The following MACROD2 variants were observed in gnomAD, a reference collection of about 807,000 sequenced individuals.
The protein encoded by MACROD2 is mono-ADP ribosylhydrolase 2.
A neutral mutation model predicts 70.4 loss-of-function variants in MACROD2; 36 were observed. That is an observed-to-expected ratio of 0.51 (90% CI 0.39 to 0.68). The LOEUF is 0.68. Ranked by LOEUF, MACROD2 falls within the 30% of genes least tolerant of loss-of-function variation. The probability of loss-of-function intolerance (pLI) is 0.00; values close to 1 mark genes in which losing one functional copy is unlikely to be tolerated. For missense variants in MACROD2, 496 were observed against 538.4 expected (o/e 0.92, Z 0.78); for synonymous variants, 172 against 178.8 (o/e 0.96, Z 0.30).
chr20:14,426,396 G>C (rs148350039), intron 3 of MACROD2, among the ~76,000 whole-genome samples: 2 of 151,424 alleles, frequency 1.3e-5, no homozygotes, highest in Admixed American at 1.3e-4. Context: ...TTATCTCTCT[G>C]ATATTAATAA....
chr20:15,309,097 C>T (rs2077726350), intron 6 of MACROD2, among the ~76,000 whole-genome samples: 2 of 152,164 alleles, frequency 1.3e-5, no homozygotes, highest in African/African-American at 2.4e-5. Context: ...TCCTACCTTA[C>T]AAACAGATGG....
chr20:14,015,706 A>G lies in MACROD2; in HGVS notation c.163+13302A>G, dbSNP rs547370722. ...TATAAATTTGCCAGTTGTAGATACAATCATGTAAGTGGAATCATAACATGT... is the reference window on the plus strand; with the variant it reads ...TATAAATTTGCCAGTTGTAGATACAGTCATGTAAGTGGAATCATAACATGT... On this transcript the variant is annotated intron_variant, in intron 2 of 17. Coordinates refer to ENST00000684519, the MANE Select transcript of MACROD2 (RefSeq NM_001351661.2). Among the ~76,000 whole-genome samples the G allele has an allele frequency of 2.4e-4, 36 of 152,350 alleles. No homozygotes were observed. In the South Asian group the frequency reaches 4.1e-3, roughly 18 times the overall value.
intron 5 of MACROD2, among the ~76,000 whole-genome samples, chr20:15,017,035 A>G (rs961796959): frequency 2.6e-5 from 4 of 152,034 alleles, no homozygotes; most frequent in African/African-American, 9.7e-5. Flanking sequence ...TTCAAAACCA[A>G]TCATGCCTTC....
intron 5 of MACROD2, among the ~76,000 whole-genome samples, chr20:15,132,247 C>A (rs879832674): frequency 9.2e-5 from 14 of 151,548 alleles, no homozygotes; most frequent in Admixed American, 3.9e-4. Context: ...GCAGGAAATG[C>A]AAAGAGAATT....
chr20:14,620,184 T>C (rs772317066), intron 4 of MACROD2, among the ~76,000 whole-genome samples: 2 of 152,078 alleles, frequency 1.3e-5, no homozygotes, highest in Non-Finnish European at 2.9e-5. Flanking sequence ...CAGTGAAGTG[T>C]GCATAAGGAT....
intron 5 of MACROD2, among the ~76,000 whole-genome samples, chr20:15,029,905 CAT>C: frequency 6.6e-6 from 1 of 152,086 alleles, no homozygotes; most frequent in East Asian, 1.9e-4. Context: ...TCCTGGCCAA[CAT>C]AGTGAAATCC....
At chr20:14,712,695 A>G (rs2071351886) in intron 5 of MACROD2, among the ~76,000 whole-genome samples, 1 of 152,194 alleles carries the variant, frequency 6.6e-6, no homozygotes, top group African/African-American at 2.4e-5. Flanking sequence ...GGTCATTCAG[A>G]GACTTTTAGG....
At chr20:14,709,623 A>G (rs184393961) in intron 5 of MACROD2, among the ~76,000 whole-genome samples, 139 of 152,348 alleles carry the variant, frequency 9.1e-4, no homozygotes, top group Admixed American at 2.0e-3. Flanking sequence ...GGCTGTAGCA[A>G]GAGATGACAG....
At chr20:15,318,371 G>A (rs955338916) in intron 6 of MACROD2, among the ~76,000 whole-genome samples, 4 of 152,036 alleles carry the variant, frequency 2.6e-5, no homozygotes, top group Non-Finnish European at 2.9e-5. Context: ...AAGACCAGAT[G>A]GTTTTACTGG....
At chr20:14,200,580 C>A (rs1424232390) in intron 3 of MACROD2, among the ~76,000 whole-genome samples, 1 of 152,022 alleles carries the variant, frequency 6.6e-6, no homozygotes, top group Non-Finnish European at 1.5e-5. Context: ...AAGAGTATTT[C>A]CTTAGGATAG....
chr20:15,806,364 AACTTACACTTTCACCAGTCCTC>A (rs1367072429), intron 8 of MACROD2, among the ~76,000 whole-genome samples: 1 of 152,184 alleles, frequency 6.6e-6, no homozygotes, highest in African/African-American at 2.4e-5. Flanking sequence ...AGTGGAAGTG[AACTTACACTTTCACCAGTCCTC>A]ACTTAGCACA....
At chr20:14,059,886 TGAG>T (rs2053672904) in intron 2 of MACROD2, among the ~76,000 whole-genome samples, 1 of 152,164 alleles carries the variant, frequency 6.6e-6, no homozygotes, top group African/African-American at 2.4e-5. Flanking sequence ...GATGCTTTTC[TGAG>T]GAGGTGACAT....
intron 6 of MACROD2, among the ~76,000 whole-genome samples, chr20:15,376,981 C>T (rs1207543515): frequency 6.6e-6 from 1 of 152,160 alleles, no homozygotes; most frequent in Non-Finnish European, 1.5e-5. Flanking sequence ...AGCTCCGCCT[C>T]CTGGGTTCAC....
At chr20:15,550,746 A>G (rs982859897) in intron 8 of MACROD2, among the ~76,000 whole-genome samples, 2 of 152,192 alleles carry the variant, frequency 1.3e-5, no homozygotes, top group Admixed American at 6.5e-5. Flanking sequence ...CCGGGGTAGC[A>G]CAACAGGCAC....
chr20:15,918,390 T>C lies in MACROD2; in HGVS notation c.776-14886T>C, dbSNP rs141359019. Among the ~76,000 whole-genome samples the C allele has an allele frequency of 2.6e-3, 393 of 152,364 alleles. 1 individual carries two copies. In the East Asian group the frequency reaches 0.028, roughly 11 times the overall value. On this transcript the variant is annotated intron_variant, in intron 10 of 17. Coordinates refer to ENST00000684519, the MANE Select transcript of MACROD2 (RefSeq NM_001351661.2). ...TAGTATATGCGTATATTTAAGTATT[T>C]ATCCTAACATTTTCATGTGATCGGG...
In MACROD2 at chr20:15,306,115, A is replaced by C. The variant is rs73614406; in HGVS notation, c.540+76054A>C. Reference sequence around the variant, plus strand: ...TTCCAATCCTCTTTCCAATTTAATGATCAGTTTTCTTGATGAAGAAGGTGG... The same window carrying C: ...TTCCAATCCTCTTTCCAATTTAATGCTCAGTTTTCTTGATGAAGAAGGTGG... On this transcript the variant is annotated intron_variant, in intron 6 of 17. Coordinates refer to ENST00000684519, the MANE Select transcript of MACROD2 (RefSeq NM_001351661.2). 2.8e-3 allele frequency among the ~76,000 whole-genome samples: 425 copies of C among 152,238 alleles called. 16 individuals are homozygous for C. In the East Asian group the frequency reaches 0.065, roughly 23 times the overall value.
At chr20:14,044,825 C>T (rs962188069) in intron 2 of MACROD2, among the ~76,000 whole-genome samples, 2 of 152,234 alleles carry the variant, frequency 1.3e-5, no homozygotes. Flanking sequence ...GTGCTGTGTG[C>T]TTGCACTCCT....
chr20:14,356,655 C>G (rs1205983068), intron 3 of MACROD2, among the ~76,000 whole-genome samples: 1 of 152,032 alleles, frequency 6.6e-6, no homozygotes, highest in African/African-American at 2.4e-5. Flanking sequence ...CAAGCATGAG[C>G]CACCATGCCT....
intron 5 of MACROD2, among the ~76,000 whole-genome samples, chr20:14,759,019 C>A (rs2071980314): frequency 6.6e-6 from 1 of 152,022 alleles, no homozygotes; most frequent in Admixed American, 6.6e-5. Context: ...AGTTCATATT[C>A]AATTCATTGT....
Sources: allele counts gnomAD v4.1 joint callset (sites outside exome capture counted in the v4.1 genomes callset), GRCh38; gene constraint gnomAD v4.1.1; transcripts MANE v1.5; gene names NCBI Gene and HGNC (gene_info 2026-07-23, HGNC 2026-07-21).